Variants in CRPPA observed in about 807,000 individuals in gnomAD.
The protein encoded by CRPPA is CDP-L-ribitol pyrophosphorylase A.
Under a neutral mutation model 52.0 loss-of-function variants are expected in CRPPA, and 43 were observed. The ratio of observed to expected loss-of-function variants is 0.83; its 90% CI spans 0.65 to 1.07. The LOEUF (loss-of-function observed/expected upper bound fraction) is 1.07, where lower values mean the gene tolerates loss of function less well. Ranked by LOEUF, CRPPA falls within the 50% of genes least tolerant of loss-of-function variation. The probability of loss-of-function intolerance (pLI) is 0.00; values close to 1 mark genes in which losing one functional copy is unlikely to be tolerated. For synonymous variants in CRPPA, 250 were observed against 203.5 expected, an observed-to-expected ratio of 1.23 and a Z score of -1.94; for missense variants, 629 against 551.7, an observed-to-expected ratio of 1.14 and a Z score of -1.40.
At chr7:16,120,995 G>T (rs1022033685) in intron 9 of CRPPA, among the ~76,000 whole-genome samples, 4 of 151,748 alleles carry the variant, frequency 2.6e-5, no homozygotes, top group African/African-American at 9.7e-5. Flanking sequence ...CTGATCTTAA[G>T]AAAAAAATGT....
intron 3 of CRPPA, among the ~76,000 whole-genome samples, chr7:16,320,017 T>G (rs1785224424): frequency 2.0e-5 from 3 of 152,146 alleles, no homozygotes; most frequent in Non-Finnish European, 4.4e-5. Context: ...ACTATTTGCT[T>G]GTAATTTGGC....
At chr7:16,195,116 A>C (rs1781702210) in intron 9 of CRPPA, among the ~76,000 whole-genome samples, 1 of 152,126 alleles carries the variant, frequency 6.6e-6, no homozygotes, top group African/African-American at 2.4e-5. Context: ...CCCAAATCAA[A>C]GTAAACCACA....
intron 9 of CRPPA, among the ~76,000 whole-genome samples, chr7:16,171,905 G>A (rs146396210): frequency 2.2e-4 from 34 of 152,186 alleles, no homozygotes; most frequent in African/African-American, 8.2e-4. Context: ...ATCCCTCTTC[G>A]ACCAATCTTT....
chr7:16,149,729 T>C (rs911559874), intron 9 of CRPPA, among the ~76,000 whole-genome samples: 1 of 152,214 alleles, frequency 6.6e-6, no homozygotes, highest in Admixed American at 6.5e-5. Context: ...CTCACGCCTG[T>C]AATCCCAGCA....
chr7:16,385,843 C>T (rs906193678), intron 2 of CRPPA, among the ~76,000 whole-genome samples: 1 of 152,208 alleles, frequency 6.6e-6, no homozygotes, highest in Admixed American at 6.5e-5. Flanking sequence ...CACTCAAACC[C>T]CTTATGGGAT....
intron 9 of CRPPA, among the ~76,000 whole-genome samples, chr7:16,198,798 C>CCTGCCT (rs1321801684): frequency 2.0e-5 from 3 of 151,514 alleles, no homozygotes; most frequent in East Asian, 4.0e-4. Flanking sequence ...CGCAATCCTT[C>CCTGCCT]CTGCCTCTGC....
At chr7:16,247,771 T>C (rs950829668) in intron 8 of CRPPA, 1 of 152,188 alleles carries the variant, frequency 6.6e-6, no homozygotes, top group Non-Finnish European at 1.5e-5. Flanking sequence ...GGGATAATGT[T>C]CTGATTTAAA....
At chr7:16,233,130 T>A (rs1396050212) in intron 8 of CRPPA, among the ~76,000 whole-genome samples, 1 of 151,822 alleles carries the variant, frequency 6.6e-6, no homozygotes, top group Non-Finnish European at 1.5e-5. Flanking sequence ...TAAAAACGAT[T>A]TTAAATTAAA....
chr7:16,184,233 G>A (rs990949590), intron 9 of CRPPA, among the ~76,000 whole-genome samples: 9 of 152,040 alleles, frequency 5.9e-5, no homozygotes, highest in East Asian at 1.9e-4. Context: ...GAGCCACCAC[G>A]CCCGGCCTGG....
intron 3 of CRPPA, among the ~76,000 whole-genome samples, chr7:16,372,429 T>G (rs770453117): frequency 3.3e-5 from 5 of 152,168 alleles, no homozygotes; most frequent in Non-Finnish European, 7.3e-5. Flanking sequence ...AGCCAAGAAT[T>G]TTCTATTCAG....
At chr7:16,240,756 G>A in intron 8 of CRPPA, among the ~76,000 whole-genome samples, 1 of 152,038 alleles carries the variant, frequency 6.6e-6, no homozygotes, top group East Asian at 1.9e-4. Flanking sequence ...TCCTAGTCTA[G>A]TAATAATAGA....
At chr7:16,278,037 A>T in intron 6 of CRPPA, 92 bp downstream of exon 6, 1 of 710,466 alleles carries the variant, frequency 1.4e-6, no homozygotes, top group Non-Finnish European at 2.4e-6. Context: ...TGATTAAGGG[A>T]TTTTTATGGG....
In CRPPA at chr7:16,089,829, C is replaced by T. The variant is rs1185483133; in HGVS notation, c.*1866G>A. On this transcript the variant is annotated 3_prime_UTR_variant, in exon 10 of 10. Transcript: ENST00000407010. ...TTCCTTAAGCTGAAGTCTATGTTAA[C>T]TCAGCCAGCACTCCAGCGATCAGGG... The T allele has an allele frequency of 1.8e-5, 3 of 168,610 alleles. No individual in the cohort carries two copies. The highest frequency in any genetic ancestry group is 5.5e-5 in the Admixed American group (1 of 18,102). 10.4% of individuals were successfully genotyped at this position (168,610 alleles called of 1,614,324 possible).
rs141555047 is a variant in CRPPA at position 16,414,695 on chromosome 7, G to A, written c.257+6371C>T. Among the ~76,000 whole-genome samples the A allele has an allele frequency of 2.0e-3, 300 of 152,288 alleles. 4 individuals carry two copies. Among genetic ancestry groups the A allele is most frequent in the African/African-American group, 6.7e-3 (279 of 41,556 alleles). ...TCTCAGTTTCTTGTTAGTAAAAGGC[G>A]AAAACTAAGATTCCCTTTAGTTTAT... On this transcript the variant is annotated intron_variant, in intron 1 of 9. Transcript: ENST00000407010.
At chr7:16,157,255 G>A (rs12699771) in intron 9 of CRPPA, among the ~76,000 whole-genome samples, 73,957 of 150,494 alleles carry the variant, frequency 0.49, 18,654 homozygotes, top group East Asian at 0.79. Context: ...TGATTTGGAA[G>A]GACAAAAGTG....
At chr7:16,261,346 T>C (rs1010401551) in intron 6 of CRPPA, among the ~76,000 whole-genome samples, 1 of 152,128 alleles carries the variant, frequency 6.6e-6, no homozygotes, top group Non-Finnish European at 1.5e-5. Context: ...CAGTATTCAC[T>C]GACTTCCTTC....
chr7:16,139,413 T>C lies in CRPPA; in HGVS notation c.1252-47614A>G, dbSNP rs547241044. Among the ~76,000 whole-genome samples, 450 of 152,292 alleles carry C rather than the reference T, an allele frequency of 3.0e-3. 3 individuals are homozygous for C. The highest frequency in any genetic ancestry group is 0.01 in the African/African-American group (432 of 41,564). On this transcript the variant is annotated intron_variant, in intron 9 of 9. Coordinates refer to ENST00000407010, the MANE Select transcript of CRPPA (RefSeq NM_001101426.4). ...TCATCAAATATAACATTTTATGAAG[T>C]TAATTCTCATACACATTTTATGACT... is the stretch of plus-strand genomic sequence containing the variant.
intron 9 of CRPPA, among the ~76,000 whole-genome samples, chr7:16,098,528 T>A (rs1781976948): frequency 6.6e-6 from 1 of 152,164 alleles, no homozygotes; most frequent in African/African-American, 2.4e-5. Context: ...AAAATTATTA[T>A]TTAAATGTCA....
chr7:16,205,711 G>T (rs930185109), intron 9 of CRPPA, among the ~76,000 whole-genome samples: 21 of 151,800 alleles, frequency 1.4e-4, no homozygotes, highest in African/African-American at 4.8e-4. Context: ...TCTTATCTAG[G>T]GGCTTTGGCT....
Sources: gnomAD v4.1 joint callset for allele counts (sites outside exome capture counted in the v4.1 genomes callset) on GRCh38, gnomAD v4.1.1 for gene constraint, MANE v1.5 for transcripts, NCBI Gene and HGNC (gene_info 2026-07-23, HGNC 2026-07-21) for gene names.